SIPA1L3: variants seen among roughly 807,000 people sequenced by gnomAD.
The protein encoded by SIPA1L3 is signal-induced proliferation-associated 1-like protein 3.
A neutral mutation model predicts 150.1 loss-of-function variants in SIPA1L3; 59 were observed. The observed-to-expected ratio is 0.39, with a 90% confidence interval of 0.32 to 0.49. The LOEUF is 0.49. Ranked by LOEUF, SIPA1L3 falls within the 20% of genes least tolerant of loss-of-function variation. The pLI, the probability that SIPA1L3 is intolerant of heterozygous loss-of-function variation, is 0.86. For synonymous variants in SIPA1L3, 1,070 were observed against 1,077.6 expected (o/e 0.99, Z 0.14); for missense variants, 2,211 against 2,489.5 (o/e 0.89, Z 2.38).
intron 1 of SIPA1L3, among the ~76,000 whole-genome samples, chr19:37,941,700 C>G (rs1192080178): frequency 6.6e-6 from 1 of 152,162 alleles, no homozygotes; most frequent in East Asian, 1.9e-4. Flanking sequence ...TCTCTCTTTC[C>G]CCTGTCGTGC....
In SIPA1L3 at chr19:37,947,063, G is replaced by A. The variant is rs563968687; in HGVS notation, c.-379+39705G>A. On this transcript the variant is annotated intron_variant, in intron 1 of 21. Transcript: ENST00000222345. ...AAAAAATCTAGCTGGGTGTGGTGGC[G>A]CACACCTGTGGTCTCAGCTACTGGC... Among the ~76,000 whole-genome samples, 34 of 150,688 alleles carry A rather than the reference G, an allele frequency of 2.3e-4. No individual in the cohort carries two copies. The South Asian group carries it at 6.6e-3, about 29-fold the overall frequency.
At chr19:38,002,610 G>A (rs1309429096) in intron 1 of SIPA1L3, among the ~76,000 whole-genome samples, 2 of 147,752 alleles carry the variant, frequency 1.4e-5, no homozygotes, top group Non-Finnish European at 3.0e-5. Context: ...GCGTGCGCCT[G>A]TAATCCCAGG....
intron 4 of SIPA1L3, among the ~76,000 whole-genome samples, chr19:38,098,088 A>G (rs946374697): frequency 2.0e-5 from 3 of 152,228 alleles, no homozygotes; most frequent in African/African-American, 4.8e-5. Flanking sequence ...AGTTATTACT[A>G]TAGTACCTGG....
At chr19:38,129,903 C>T (rs1246512659) in intron 9 of SIPA1L3, among the ~76,000 whole-genome samples, 1 of 151,984 alleles carries the variant, frequency 6.6e-6, no homozygotes, top group Non-Finnish European at 1.5e-5. Context: ...CCTGTCTCTA[C>T]TAAAAATACA....
At chr19:38,050,392 G>A (rs1046634749) in intron 2 of SIPA1L3, among the ~76,000 whole-genome samples, 8 of 57,314 alleles carry the variant, frequency 1.4e-4, no homozygotes, top group Non-Finnish European at 2.6e-4. Context: ...GGAGGCAAAG[G>A]TTGAAGTGAG....
Position 38,082,617 on chromosome 19 carries a change from AC to A in SIPA1L3, c.1054del (p.Leu352SerfsTer54). 6.2e-7 allele frequency: 1 copy of A among 1,604,564 alleles called. No individual in the cohort carries two copies. ...TTCGACGTGCAGAGCATGCTGTTCG[AC>A]CTCAACGAGGCGGCCGCCAACAGGG... ...AHFDVQSMLF[D>X]LNEAAANRVS... On this transcript the variant is annotated frameshift_variant, in exon 3 of 22. Transcript: ENST00000222345. LOFTEE classifies it high-confidence loss of function.
intron 9 of SIPA1L3, among the ~76,000 whole-genome samples, chr19:38,127,538 T>A (rs1971204681): frequency 6.6e-6 from 1 of 152,212 alleles, no homozygotes; most frequent in South Asian, 2.1e-4. Context: ...TCACCCCGGC[T>A]GGAGTGCAGT....
At chr19:37,936,999 A>T (rs1009355451) in intron 1 of SIPA1L3, among the ~76,000 whole-genome samples, 1 of 152,146 alleles carries the variant, frequency 6.6e-6, no homozygotes, top group Admixed American at 6.6e-5. Context: ...TCACTGTGAC[A>T]CTTAGGCTGG....
chr19:37,933,870 C>T (rs2046577098), intron 1 of SIPA1L3, among the ~76,000 whole-genome samples: 1 of 152,176 alleles, frequency 6.6e-6, no homozygotes, highest in Non-Finnish European at 1.5e-5. Context: ...ATGTCAGGTT[C>T]ATTTAGGTGG....
chr19:37,938,542 G>A (rs1385336285), intron 1 of SIPA1L3, among the ~76,000 whole-genome samples: 9 of 151,910 alleles, frequency 5.9e-5, no homozygotes, highest in Admixed American at 5.2e-4. Context: ...GACTAGTAAG[G>A]CAGAATATCT....
chr19:38,010,668 A>G (rs1487325098), intron 1 of SIPA1L3, among the ~76,000 whole-genome samples: 2 of 152,140 alleles, frequency 1.3e-5, no homozygotes, highest in African/African-American at 2.4e-5. Flanking sequence ...CCGAGATCGC[A>G]CCATTGCACT....
intron 2 of SIPA1L3, among the ~76,000 whole-genome samples, chr19:38,048,670 A>T (rs186524028): frequency 2.1e-4 from 32 of 152,344 alleles, no homozygotes; most frequent in African/African-American, 7.5e-4. Context: ...CTAAGTTAGC[A>T]AATCGTGTCA....
intron 13 of SIPA1L3, 26 bp from the exon 14 acceptor site, chr19:38,162,227 C>G: frequency 6.3e-7 from 1 of 1,580,872 alleles, no homozygotes; most frequent in South Asian, 1.1e-5. Context: ...CTCCTAACCA[C>G]TGGTGTGTCT....
At position 38,174,694 on chromosome 19, in the gene SIPA1L3, AC is replaced by A. The variant is rs111649640; in HGVS notation, c.4209-7824del. 2.4e-3 allele frequency among the ~76,000 whole-genome samples: 363 copies of A among 152,258 alleles called. 3 individuals are homozygous for A. The highest frequency in any genetic ancestry group is 8.3e-3 in the African/African-American group (344 of 41,558). On this transcript the variant is annotated intron_variant, in intron 15 of 21. Coordinates refer to ENST00000222345, the MANE Select transcript of SIPA1L3 (RefSeq NM_015073.3). ...ATGAAACCCCGCCTCTACTAAAAATACAAAAATTAGCCAGGTGTGGTGGCGG... is the reference window on the plus strand; with the variant it reads ...ATGAAACCCCGCCTCTACTAAAAATAAAAAATTAGCCAGGTGTGGTGGCGG...
At chr19:38,175,684 T>C (rs1240707878) in intron 15 of SIPA1L3, among the ~76,000 whole-genome samples, 2 of 152,200 alleles carry the variant, frequency 1.3e-5, no homozygotes, top group Non-Finnish European at 2.9e-5. Context: ...TGCTGAGCAC[T>C]TAGCACATAG....
chr19:37,964,338 G>T (rs1031182117), intron 1 of SIPA1L3: 2 of 152,146 alleles, frequency 1.3e-5, no homozygotes, highest in African/African-American at 4.8e-5. Flanking sequence ...ACTGCAGTGA[G>T]CCATGTTCAT....
At chr19:38,194,445 T>A (rs1972876093) in intron 18 of SIPA1L3, among the ~76,000 whole-genome samples, 1 of 151,084 alleles carries the variant, frequency 6.6e-6, no homozygotes, top group Non-Finnish European at 1.5e-5. Flanking sequence ...TGGAGGGGCG[T>A]GAGGCTGTTT....
intron 1 of SIPA1L3, among the ~76,000 whole-genome samples, chr19:38,007,019 T>C (rs1216596510): frequency 6.6e-6 from 1 of 152,198 alleles, no homozygotes. Context: ...TCTGTGGTGC[T>C]GCTAAGCAGG....
At chr19:38,112,000 C>T (rs1328062917) in intron 8 of SIPA1L3, among the ~76,000 whole-genome samples, 1 of 150,518 alleles carries the variant, frequency 6.6e-6, no homozygotes, top group Non-Finnish European at 1.5e-5. Flanking sequence ...CACACCTGCA[C>T]ACAGGCACAC....
Sources: gnomAD v4.1 joint callset for allele counts (sites outside exome capture counted in the v4.1 genomes callset) on GRCh38, gnomAD v4.1.1 for gene constraint, MANE v1.5 for transcripts, NCBI Gene and HGNC (gene_info 2026-07-23, HGNC 2026-07-21) for gene names.